ADAMTS17: variants seen among roughly 807,000 people sequenced by gnomAD.
ADAMTS17 encodes A disintegrin and metalloproteinase with thrombospondin motifs 17.
A neutral mutation model predicts 141.5 loss-of-function variants in ADAMTS17; 113 were observed. The ratio of observed to expected loss-of-function variants is 0.80; its 90% CI spans 0.69 to 0.93. The LOEUF is 0.93. ADAMTS17 is among the 40% of genes least tolerant of loss of function. The pLI is 0.00. For synonymous variants in ADAMTS17, 768 were observed against 630.6 expected (o/e 1.22, Z -3.27); for missense variants, 1,659 against 1,517.9 (o/e 1.09, Z -1.54).
At chr15:100,148,021 G>A (rs1005957585) in intron 10 of ADAMTS17, among the ~76,000 whole-genome samples, 1 of 152,170 alleles carries the variant, frequency 6.6e-6, no homozygotes, top group African/African-American at 2.4e-5. Context: ...CCGACTTCAT[G>A]CTTCTATTGC....
intron 3 of ADAMTS17, among the ~76,000 whole-genome samples, chr15:100,305,510 G>C (rs1264938430): frequency 6.6e-6 from 1 of 152,206 alleles, no homozygotes; most frequent in African/African-American, 2.4e-5. Flanking sequence ...AGATGGCCCT[G>C]GTTCACGTCC....
chr15:99,977,681 G>A (rs1322076157), intron 20 of ADAMTS17, among the ~76,000 whole-genome samples: 1 of 151,794 alleles, frequency 6.6e-6, no homozygotes, highest in African/African-American at 2.4e-5. Flanking sequence ...CTCCCAAAGT[G>A]CTGGGATTAC....
intron 10 of ADAMTS17, among the ~76,000 whole-genome samples, chr15:100,143,713 GAATT>G (rs2038767012): frequency 6.6e-6 from 1 of 152,030 alleles, no homozygotes; most frequent in African/African-American, 2.4e-5. Flanking sequence ...AGAGTCCTAA[GAATT>G]AATATGGACT....
Position 99,973,888 on chromosome 15 carries a change from G to C in ADAMTS17, c.*514C>G, listed in dbSNP as rs1298784233. 3 of 219,372 alleles carry C rather than the reference G, an allele frequency of 1.4e-5. No homozygotes were observed. Among genetic ancestry groups the C allele is most frequent in the Non-Finnish European group, 2.8e-5 (3 of 108,954 alleles). 13.6% of individuals were successfully genotyped at this position (219,372 alleles called of 1,614,324 possible). On this transcript the variant is annotated 3_prime_UTR_variant, in exon 22 of 22. Transcript: ENST00000268070. ...TGGTTCTCATGTGGTCAAGAAGGTA[G>C]ATGGAGAGAAACGTGTGCTAAGCAG...
chr15:100,195,762 T>C (rs1038235), intron 8 of ADAMTS17, among the ~76,000 whole-genome samples: 34,788 of 151,996 alleles, frequency 0.23, 4,617 homozygotes, highest in African/African-American at 0.35. Flanking sequence ...GCTATACACA[T>C]GGACATTTAC....
intron 8 of ADAMTS17, among the ~76,000 whole-genome samples, chr15:100,156,319 A>T (rs2039433715): frequency 6.6e-6 from 1 of 152,194 alleles, no homozygotes; most frequent in East Asian, 1.9e-4. Context: ...TCTCCCCAAA[A>T]GAAACCCATC....
At position 100,161,306 on chromosome 15, in the gene ADAMTS17, C is replaced by T. The variant is rs149171169; in HGVS notation, c.1182-5986G>A. On this transcript the variant is annotated intron_variant, in intron 8 of 21. Transcript: ENST00000268070. ...ACCTCTGCCACTCTGGAAGCTTCAG[C>T]TTTACCTGGCTCTGACCGTACCTGT... 2.7e-3 allele frequency among the ~76,000 whole-genome samples: 417 copies of T among 152,334 alleles called. 1 individual carries two copies. The highest frequency in any genetic ancestry group is 2.3e-3 in the Non-Finnish European group (159 of 68,034).
At chr15:100,016,352 A>AT (rs1246545426) in intron 18 of ADAMTS17, among the ~76,000 whole-genome samples, 3 of 151,660 alleles carry the variant, frequency 2.0e-5, no homozygotes, top group African/African-American at 7.3e-5. Context: ...CCTCCTGAAT[A>AT]TTTTTTCAGG....
chr15:100,205,902 G>A (rs2041531779), intron 7 of ADAMTS17, among the ~76,000 whole-genome samples: 1 of 152,188 alleles, frequency 6.6e-6, no homozygotes, highest in Non-Finnish European at 1.5e-5. Flanking sequence ...AGCTGTGCCA[G>A]GGACCGAGCC....
Position 100,131,306 on chromosome 15 carries a change from C to T in ADAMTS17, c.1721+701G>A, listed in dbSNP as rs539231516. Among the ~76,000 whole-genome samples, 7 of 146,038 alleles carry T rather than the reference C, an allele frequency of 4.8e-5. No homozygotes were observed. In the South Asian group the frequency reaches 1.3e-3, roughly 27 times the overall value. On this transcript the variant is annotated intron_variant, in intron 12 of 21. Coordinates refer to ENST00000268070, the MANE Select transcript of ADAMTS17 (RefSeq NM_139057.4). ...ATGGGTGCAGCAAACCACCATGGCA[C>T]GTGTATACCTATGGAACAAACCTGC...
intron 11 of ADAMTS17, among the ~76,000 whole-genome samples, chr15:100,132,975 T>C (rs751069884): frequency 7.9e-5 from 12 of 152,194 alleles, no homozygotes; most frequent in Non-Finnish European, 1.3e-4. Flanking sequence ...CCTTACATGA[T>C]GAAAGGAGTT....
intron 8 of ADAMTS17, among the ~76,000 whole-genome samples, chr15:100,198,049 G>C (rs796146750): frequency 6.6e-6 from 1 of 152,172 alleles, no homozygotes; most frequent in Non-Finnish European, 1.5e-5. Context: ...GGGAAGGACA[G>C]CATTAGGAGA....
rs374188609 is a variant in ADAMTS17 at position 100,014,284 on chromosome 15, G to A, written c.2592-16695C>T. 2.9e-4 allele frequency among the ~76,000 whole-genome samples: 44 copies of A among 151,750 alleles called. No homozygotes were observed. The South Asian group carries it at 9.2e-3, about 32-fold the overall frequency. On this transcript the variant is annotated intron_variant, in intron 18 of 21. Transcript: ENST00000268070. ...TTTGGATTTTCTCTCTTCTTTTCTT[G>A]GTTACTCTTGCTAAAGGTCTACCAA...
intron 8 of ADAMTS17, among the ~76,000 whole-genome samples, chr15:100,198,456 C>T (rs2041202721): frequency 6.6e-6 from 1 of 152,086 alleles, no homozygotes; most frequent in South Asian, 2.1e-4. Context: ...GAAACCTTTA[C>T]AATAATTTTT....
At chr15:100,281,182 A>G in intron 4 of ADAMTS17, 47 bp downstream of exon 4, 1 of 1,597,978 alleles carries the variant, frequency 6.3e-7, no homozygotes. Flanking sequence ...TCTCTCATCA[A>G]GGAGAAAACA....
chr15:100,038,786 C>T (rs1468903950), intron 18 of ADAMTS17, among the ~76,000 whole-genome samples: 1 of 152,154 alleles, frequency 6.6e-6, no homozygotes, highest in East Asian at 1.9e-4. Flanking sequence ...TTCTTCTATT[C>T]AAACATGGAT....
At chr15:100,201,436 G>A (rs1373913361) in intron 7 of ADAMTS17, among the ~76,000 whole-genome samples, 1 of 152,176 alleles carries the variant, frequency 6.6e-6, no homozygotes, top group South Asian at 2.1e-4. Flanking sequence ...GCAGAACTGA[G>A]AGTCAATTAA....
At chr15:99,974,648 CCGTCTGGG>C in intron 21 of ADAMTS17, 86 bp from the exon 22 acceptor site, 1 of 1,554,508 alleles carries the variant, frequency 6.4e-7, no homozygotes, top group African/African-American at 1.4e-5. Context: ...TGTGGTCTGA[CCGTCTGGG>C]CTCCCTCACC....
chr15:100,279,093 T>C (rs1255551482), intron 4 of ADAMTS17, among the ~76,000 whole-genome samples: 2 of 152,120 alleles, frequency 1.3e-5, no homozygotes, highest in African/African-American at 2.4e-5. Flanking sequence ...CATCCAGCTT[T>C]GTGTCCTTGC....
Sources: gnomAD v4.1 joint callset for allele counts (sites outside exome capture counted in the v4.1 genomes callset) on GRCh38, gnomAD v4.1.1 for gene constraint, MANE v1.5 for transcripts, NCBI Gene and HGNC (gene_info 2026-07-23, HGNC 2026-07-21) for gene names.